The following AK5 variants were observed in gnomAD, a reference collection of about 807,000 sequenced individuals.
AK5 encodes the protein adenylate kinase 5, also known as adenylate kinase isoenzyme 5.
Under a neutral mutation model 69.5 loss-of-function variants are expected in AK5, and 27 were observed. That is an observed-to-expected ratio of 0.39 (90% confidence interval 0.29 to 0.54). AK5 has a LOEUF of 0.54. Ranked by LOEUF, AK5 falls within the 20% of genes least tolerant of loss-of-function variation. The pLI is 0.71. For missense variants in AK5, 531 were observed against 700.4 expected, an observed-to-expected ratio of 0.76 and a Z score of 2.73; for synonymous variants, 260 against 244.4, an observed-to-expected ratio of 1.06 and a Z score of -0.60.
intron 8 of AK5, among the ~76,000 whole-genome samples, chr1:77,470,097 T>TA (rs1455734961): frequency 2.6e-5 from 4 of 152,230 alleles, no homozygotes; most frequent in South Asian, 2.1e-4. Flanking sequence ...CTCATAGTCT[T>TA]AATTTTCTCA....
chr1:77,405,190 T>G (rs1271322421), intron 6 of AK5, among the ~76,000 whole-genome samples: 2 of 152,224 alleles, frequency 1.3e-5, no homozygotes, highest in African/African-American at 4.8e-5. Flanking sequence ...GCTGGGATAT[T>G]AAATAGACCA....
intron 13 of AK5, among the ~76,000 whole-genome samples, chr1:77,545,769 G>A (rs577682854): frequency 8.3e-4 from 127 of 152,260 alleles, no homozygotes; most frequent in African/African-American, 3.0e-3. Flanking sequence ...TCAGTTTCAA[G>A]TCTGAAGCGT....
chr1:77,516,650 T>C lies in AK5; in HGVS notation c.1148-1914T>C, dbSNP rs183164389. Among the ~76,000 whole-genome samples, 5 of 144,876 alleles carry C rather than the reference T, an allele frequency of 3.5e-5. No homozygotes were observed. The East Asian group carries it at 1.0e-3, about 30-fold the overall frequency. ...AAAAGCGTGGTAGCCTGGAAAAGTC[T>C]GTGTGGGCATAGGAGGCCATTGAAT... On this transcript the variant is annotated intron_variant, in intron 10 of 13. Coordinates refer to ENST00000354567, the MANE Select transcript of AK5 (RefSeq NM_174858.3).
rs1658396113 is a variant in AK5 at position 77,287,033 on chromosome 1, T to G, written c.153T>G (p.Cys51Trp). 3 of 1,610,138 alleles carry G rather than the reference T, an allele frequency of 1.9e-6. No individual in the cohort carries two copies. The highest frequency in any genetic ancestry group is 2.5e-6 in the Non-Finnish European group (3 of 1,177,908). The change falls in exon 2 of 14, where the codon TGT (cysteine) becomes TGG (tryptophan). Residue 51 changes from cysteine (C) to tryptophan (W), a missense_variant. Coordinates refer to ENST00000354567, the MANE Select transcript of AK5 (RefSeq NM_174858.3). ...CLQKVKELGG[C>W]DKVKWDTFVS... ...AAAAAGTAAAGGAACTGGGTGGCTGTGACAAGGTGAAATGGGATACATTTG... is the reference window on the plus strand; with the variant it reads ...AAAAAGTAAAGGAACTGGGTGGCTGGGACAAGGTGAAATGGGATACATTTG...
At chr1:77,316,309 G>C (rs1660241617) in intron 5 of AK5, among the ~76,000 whole-genome samples, 1 of 152,044 alleles carries the variant, frequency 6.6e-6, no homozygotes. Flanking sequence ...GCTGAAGCAT[G>C]TAGAATGACT....
intron 6 of AK5, among the ~76,000 whole-genome samples, chr1:77,396,826 C>T (rs1404961456): frequency 6.6e-6 from 1 of 152,232 alleles, no homozygotes; most frequent in African/African-American, 2.4e-5. Flanking sequence ...CCTTTAAATT[C>T]TTTCCTTGGG....
At chr1:77,468,337 G>A (rs904527901) in intron 8 of AK5, among the ~76,000 whole-genome samples, 3 of 152,196 alleles carry the variant, frequency 2.0e-5, no homozygotes, top group African/African-American at 7.2e-5. Flanking sequence ...AAAGATCCCC[G>A]TCTTGGCAGA....
chr1:77,369,015 T>C (rs1388958738), intron 6 of AK5, among the ~76,000 whole-genome samples: 2 of 152,308 alleles, frequency 1.3e-5, no homozygotes, highest in East Asian at 3.9e-4. Flanking sequence ...ATGATGGATA[T>C]ACTGATTACC....
chr1:77,375,991 G>A (rs1242830716), intron 6 of AK5, among the ~76,000 whole-genome samples: 1 of 152,190 alleles, frequency 6.6e-6, no homozygotes, highest in Non-Finnish European at 1.5e-5. Context: ...CAAATGTATT[G>A]TAAACTATCA....
At chr1:77,447,587 T>A (rs1874818) in intron 8 of AK5, among the ~76,000 whole-genome samples, 4,496 of 152,318 alleles carry the variant, frequency 0.03, 196 homozygotes, top group African/African-American at 0.1. Context: ...GTCAGACAGG[T>A]ATTATAATTA....
chr1:77,363,299 A>G (rs1646896546), intron 6 of AK5, among the ~76,000 whole-genome samples: 1 of 152,114 alleles, frequency 6.6e-6, no homozygotes, highest in Non-Finnish European at 1.5e-5. Context: ...TTCCTTCAGA[A>G]CATATCCAGA....
chr1:77,489,936 A>G (rs59623467), intron 10 of AK5, among the ~76,000 whole-genome samples: 7,117 of 152,102 alleles, frequency 0.047, 350 homozygotes, highest in East Asian at 0.2. Context: ...CTTCTCCCCT[A>G]TTAATCATGC....
intron 10 of AK5, among the ~76,000 whole-genome samples, chr1:77,504,544 C>T (rs1426691097): frequency 1.3e-5 from 2 of 151,956 alleles, no homozygotes; most frequent in Admixed American, 1.3e-4. Flanking sequence ...AGATAGTATT[C>T]CTGAATATGC....
intron 6 of AK5, among the ~76,000 whole-genome samples, chr1:77,364,767 G>A (rs967145147): frequency 2.0e-5 from 3 of 152,116 alleles, no homozygotes; most frequent in Non-Finnish European, 2.9e-5. Flanking sequence ...TTATCCATTC[G>A]TCTGTTGATG....
rs1319876856 is a variant in AK5 at position 77,367,769 on chromosome 1, T to C, written c.891+27201T>C. 6.5e-3 allele frequency among the ~76,000 whole-genome samples: 189 copies of C among 28,944 alleles called. 1 individual carries two copies. The highest frequency in any genetic ancestry group is 0.01 in the African/African-American group (72 of 6,890). 19.0% of individuals were successfully genotyped at this position (28,944 alleles called of 152,430 possible). The stretch of plus-strand genomic sequence containing the variant: ...TGTTATATATGTTATATATAATATA[T>C]GTTATATATAATATATGTTATATAT... On this transcript the variant is annotated intron_variant, in intron 6 of 13. Coordinates refer to ENST00000354567, the MANE Select transcript of AK5 (RefSeq NM_174858.3).
At chr1:77,370,289 C>A (rs914335152) in intron 6 of AK5, among the ~76,000 whole-genome samples, 4 of 152,298 alleles carry the variant, frequency 2.6e-5, no homozygotes, top group Middle Eastern at 3.4e-3. Flanking sequence ...GCTGCCCTAA[C>A]ACTTTTCCCC....
rs1658383499 is a variant in AK5, at chr1:77,286,862, TTA to T, written c.61-78_61-77del. The T allele has an allele frequency of 5.1e-6, 4 of 778,044 alleles. No homozygotes were observed. In the Admixed American group the frequency reaches 2.0e-4, roughly 38 times the overall value. The allele number at this position is 778,044 out of a possible 1,614,324, so 48.2% of individuals were successfully genotyped here. A position where few individuals can be genotyped will look rare whatever the true frequency, so the allele number is the denominator to read the frequency against. Reference sequence around the variant, plus strand: ...ACTCTATTTCAAAAAAATTAATTAATTAAATTAAATTAAATTAAAGAAAAAAC... The same window carrying T: ...ACTCTATTTCAAAAAAATTAATTAATAATTAAATTAAATTAAAGAAAAAAC... On this transcript the variant is annotated intron_variant, in intron 1 of 13. Coordinates refer to ENST00000354567, the MANE Select transcript of AK5 (RefSeq NM_174858.3).
chr1:77,488,231 A>G (rs1397114074), intron 10 of AK5, among the ~76,000 whole-genome samples: 2 of 152,130 alleles, frequency 1.3e-5, no homozygotes, highest in Non-Finnish European at 2.9e-5. Flanking sequence ...CTCTTCCCAC[A>G]CTTATTTTAC....
chr1:77,551,406 T>C (rs1275665487), intron 13 of AK5, among the ~76,000 whole-genome samples: 2 of 152,134 alleles, frequency 1.3e-5, no homozygotes, highest in Non-Finnish European at 2.9e-5. Flanking sequence ...GATTTTGTCT[T>C]TAAACCTACC....
Sources: allele counts gnomAD v4.1 joint callset (sites outside exome capture counted in the v4.1 genomes callset), GRCh38; gene constraint gnomAD v4.1.1; transcripts MANE v1.5; gene names NCBI Gene and HGNC (gene_info 2026-07-23, HGNC 2026-07-21).